The following NFIA variants were observed in gnomAD, a reference collection of about 807,000 sequenced individuals.
NFIA encodes nuclear factor I A.
Under a neutral mutation model 62.8 loss-of-function variants are expected in NFIA, and 8 were observed. That is an observed-to-expected ratio of 0.13 (90% CI 0.07 to 0.23). The LOEUF is 0.23. NFIA is among the 10% of genes least tolerant of loss of function. The pLI is 1.00. For synonymous variants in NFIA, 235 were observed against 238.1 expected, an observed-to-expected ratio of 0.99 and a Z score of 0.12; for missense variants, 410 against 642.1, an observed-to-expected ratio of 0.64 and a Z score of 3.91.
At chr1:61,254,752 C>T (rs964472089) in intron 2 of NFIA, among the ~76,000 whole-genome samples, 6 of 152,304 alleles carry the variant, frequency 3.9e-5, no homozygotes, top group South Asian at 2.1e-4. Flanking sequence ...GTCTCCCAAA[C>T]GGCAGATATC....
At chr1:61,325,848 G>T (rs1297452574) in intron 3 of NFIA, among the ~76,000 whole-genome samples, 1 of 140,292 alleles carries the variant, frequency 7.1e-6, no homozygotes, top group Non-Finnish European at 1.5e-5. Context: ...AAAGATAATG[G>T]CATGAAACCC....
At chr1:61,321,721 G>A (rs114450507) in intron 3 of NFIA, among the ~76,000 whole-genome samples, 3 of 151,520 alleles carry the variant, frequency 2.0e-5, no homozygotes, top group African/African-American at 7.3e-5. Context: ...GAACTTTAAG[G>A]TCCCTTCCAT....
intron 2 of NFIA, among the ~76,000 whole-genome samples, chr1:61,276,606 T>A (rs575715821): frequency 2.0e-5 from 3 of 152,300 alleles, no homozygotes; most frequent in East Asian, 1.9e-4. Context: ...TAAATCAAAA[T>A]TTTTCCCCTT....
intron 2 of NFIA, among the ~76,000 whole-genome samples, chr1:61,151,382 C>T (rs77363846): frequency 7.1e-6 from 1 of 141,748 alleles, no homozygotes; most frequent in Non-Finnish European, 1.5e-5. Flanking sequence ...GCTAATACAG[C>T]TTTTTTTTTT....
chr1:61,137,070 A>G (rs556171913), intron 2 of NFIA, among the ~76,000 whole-genome samples: 1 of 152,322 alleles, frequency 6.6e-6, no homozygotes, highest in East Asian at 1.9e-4. Flanking sequence ...ATGAATGTAA[A>G]TATTGTGTGC....
chr1:61,310,848 C>G (rs1267235425), intron 3 of NFIA, among the ~76,000 whole-genome samples: 2 of 144,666 alleles, frequency 1.4e-5, no homozygotes, highest in African/African-American at 5.2e-5. Context: ...ATGCCACTTG[C>G]TCTGCGCTTT....
At chr1:61,240,483 C>T (rs1655279693) in intron 2 of NFIA, among the ~76,000 whole-genome samples, 1 of 151,840 alleles carries the variant, frequency 6.6e-6, no homozygotes, top group Non-Finnish European at 1.5e-5. Flanking sequence ...CAGGCTAGCT[C>T]ATTTAGACTT....
chr1:61,306,097 G>A (rs543228092), intron 3 of NFIA, among the ~76,000 whole-genome samples: 21 of 151,564 alleles, frequency 1.4e-4, no homozygotes, highest in South Asian at 2.1e-4. Context: ...TGATCCGCCC[G>A]CCTTGGCCTC....
intron 2 of NFIA, among the ~76,000 whole-genome samples, chr1:61,146,686 A>G (rs1163000706): frequency 1.3e-5 from 2 of 152,032 alleles, no homozygotes; most frequent in African/African-American, 4.8e-5. Context: ...TCCTGTTGTA[A>G]TTGTGTGGAT....
chr1:61,329,790 G>A (rs1357258233), intron 3 of NFIA, among the ~76,000 whole-genome samples: 2 of 152,190 alleles, frequency 1.3e-5, no homozygotes, highest in African/African-American at 4.8e-5. Flanking sequence ...TTGAATAAAT[G>A]AGTAACTCAT....
At chr1:61,431,233 GA>G (rs1227257836) in intron 10 of NFIA, among the ~76,000 whole-genome samples, 9 of 151,668 alleles carry the variant, frequency 5.9e-5, no homozygotes, top group Non-Finnish European at 1.2e-4. Flanking sequence ...TTTACTTAAA[GA>G]AAAAAAAGTT....
chr1:61,189,542 G>A (rs1651461842), intron 2 of NFIA, among the ~76,000 whole-genome samples: 1 of 152,132 alleles, frequency 6.6e-6, no homozygotes, highest in Non-Finnish European at 1.5e-5. Flanking sequence ...GCGCGCAGCT[G>A]TAGTCCCAGC....
chr1:61,417,964 T>C (rs184333692), intron 9 of NFIA, among the ~76,000 whole-genome samples: 26 of 152,232 alleles, frequency 1.7e-4, no homozygotes, highest in Admixed American at 1.7e-3. Flanking sequence ...GGACTCTATA[T>C]AGAGAAGTTC....
In NFIA at chr1:61,307,425, G is replaced by T. The variant is rs765618932; in HGVS notation, c.626-25087G>T. ...CACTTTCTAGCCCCCAGAAGTGTGAGAAATAGATTTCTGTTGTTTATAAGC... is the reference window on the plus strand; with the variant it reads ...CACTTTCTAGCCCCCAGAAGTGTGATAAATAGATTTCTGTTGTTTATAAGC... On this transcript the variant is annotated intron_variant, in intron 3 of 10. Coordinates refer to ENST00000403491, the MANE Select transcript of NFIA (RefSeq NM_001134673.4). 3.5e-4 allele frequency among the ~76,000 whole-genome samples: 54 copies of T among 152,178 alleles called. 1 individual carries two copies. The highest frequency in any genetic ancestry group is 2.1e-3 in the Admixed American group (32 of 15,280).
At chr1:61,258,788 A>C (rs1317371068) in intron 2 of NFIA, among the ~76,000 whole-genome samples, 1 of 151,892 alleles carries the variant, frequency 6.6e-6, no homozygotes, top group Non-Finnish European at 1.5e-5. Flanking sequence ...GAGTGGGGTG[A>C]CATGATCATG....
upstream of NFIA, chr1:61,082,128 G>GC: frequency 9.5e-7 from 1 of 1,057,264 alleles, no homozygotes; most frequent in Non-Finnish European, 1.3e-6. Context: ...TCCTGTGGCA[G>GC]CCTATAGCTG....
At chr1:61,092,993 G>C (rs761723201) in intron 2 of NFIA, among the ~76,000 whole-genome samples, 2 of 152,140 alleles carry the variant, frequency 1.3e-5, no homozygotes, top group African/African-American at 2.4e-5. Flanking sequence ...TAATTATACA[G>C]ATAAGGTTTT....
chr1:61,270,256 TGTTAA>T (rs1657425688), intron 2 of NFIA, among the ~76,000 whole-genome samples: 1 of 152,208 alleles, frequency 6.6e-6, no homozygotes. Flanking sequence ...CACAACATCC[TGTTAA>T]GTTAGGCAAA....
chr1:61,081,812 T>G, upstream of NFIA: 1 of 1,466,138 alleles, frequency 6.8e-7, no homozygotes, highest in East Asian at 2.5e-5. Context: ...GTGTGCATAA[T>G]TACCTCTGCC....
Sources: allele counts gnomAD v4.1 joint callset (sites outside exome capture counted in the v4.1 genomes callset), GRCh38; gene constraint gnomAD v4.1.1; transcripts MANE v1.5; gene names NCBI Gene and HGNC (gene_info 2026-07-23, HGNC 2026-07-21).